The following GIGYF2 variants were observed in gnomAD, a reference collection of about 807,000 sequenced individuals.
GIGYF2 encodes GRB10 interacting GYF protein 2, also known as GRB10-interacting GYF protein 2.
A neutral mutation model predicts 208.1 loss-of-function variants in GIGYF2; 25 were observed. The ratio of observed to expected loss-of-function variants is 0.12; its 90% CI spans 0.09 to 0.17. The LOEUF (loss-of-function observed/expected upper bound fraction) is 0.17. GIGYF2 is among the 10% of genes least tolerant of loss of function. The pLI is 1.00. For missense variants in GIGYF2, 1,302 were observed against 1,579.4 expected, an observed-to-expected ratio of 0.82 and a Z score of 2.98; for synonymous variants, 534 against 543.8, an observed-to-expected ratio of 0.98 and a Z score of 0.25.
intron 2 of GIGYF2, among the ~76,000 whole-genome samples, chr2:232,730,621 G>A (rs1354839736): frequency 1.5e-5 from 2 of 129,408 alleles, no homozygotes; most frequent in African/African-American, 3.0e-5. Context: ...AAAAAAGGCC[G>A]GGCGCGGTGG....
chr2:232,836,320 AT>A (rs1346592954), intron 22 of GIGYF2, among the ~76,000 whole-genome samples: 965 of 26,338 alleles, frequency 0.037, 97 homozygotes, highest in East Asian at 0.18. Flanking sequence ...ATATATATAT[AT>A]ATATATATAC....
chr2:232,798,429 G>C (rs539292593), intron 14 of GIGYF2, among the ~76,000 whole-genome samples: 271 of 152,308 alleles, frequency 1.8e-3, no homozygotes, highest in African/African-American at 6.2e-3. Flanking sequence ...AAATGCCCAG[G>C]AGTGCATTTG....
intron 2 of GIGYF2, among the ~76,000 whole-genome samples, chr2:232,708,927 C>T (rs566877974): frequency 6.6e-6 from 1 of 152,222 alleles, no homozygotes; most frequent in Admixed American, 6.5e-5. Flanking sequence ...TCAGGACCAG[C>T]CTGGGCAACA....
chr2:232,784,579 AT>A (rs1258070157), intron 8 of GIGYF2, among the ~76,000 whole-genome samples: 1 of 141,714 alleles, frequency 7.1e-6, no homozygotes, highest in African/African-American at 2.6e-5. Context: ...TTTAGTAGAG[AT>A]GGGGTTTCAT....
chr2:232,770,553 T>A (rs1309299637), intron 8 of GIGYF2, among the ~76,000 whole-genome samples: 1 of 152,124 alleles, frequency 6.6e-6, no homozygotes, highest in Non-Finnish European at 1.5e-5. Context: ...TATTTATTTA[T>A]GTATTTGACA....
At chr2:232,734,180 G>A (rs138137227) in intron 2 of GIGYF2, among the ~76,000 whole-genome samples, 4 of 147,598 alleles carry the variant, frequency 2.7e-5, no homozygotes, top group Admixed American at 2.7e-4. Context: ...GAACTCCTGG[G>A]CCCAAGCCGT....
chr2:232,823,469 C>G (rs994477966), intron 21 of GIGYF2, among the ~76,000 whole-genome samples: 11 of 151,690 alleles, frequency 7.3e-5, no homozygotes, highest in African/African-American at 2.7e-4. Context: ...CCTCCCACCT[C>G]AGCCACCTCA....
At chr2:232,716,884 C>T (rs181962310) in intron 2 of GIGYF2, among the ~76,000 whole-genome samples, 6 of 152,130 alleles carry the variant, frequency 3.9e-5, no homozygotes, top group Non-Finnish European at 7.4e-5. Flanking sequence ...CAGCTCACTG[C>T]TGCCTCAACC....
chr2:232,729,097 G>C (rs973210051), intron 2 of GIGYF2, among the ~76,000 whole-genome samples: 2 of 152,086 alleles, frequency 1.3e-5, no homozygotes, highest in Admixed American at 6.6e-5. Context: ...TCCCACCTCA[G>C]CCTCCCAAGT....
intron 27 of GIGYF2, among the ~76,000 whole-genome samples, chr2:232,849,423 C>T (rs1010370074): frequency 6.6e-6 from 1 of 152,140 alleles, no homozygotes; most frequent in African/African-American, 2.4e-5. Context: ...CTCAGCCTCC[C>T]AAAGTGCTGG....
chr2:232,797,651 A>G (rs1257330048), intron 14 of GIGYF2, among the ~76,000 whole-genome samples: 1 of 152,132 alleles, frequency 6.6e-6, no homozygotes. Flanking sequence ...ACTATAGTAC[A>G]GTAACACAAG....
At chr2:232,794,720 G>C (rs1348530103) in intron 12 of GIGYF2, 28 bp from the exon 13 acceptor site, 1 of 1,579,236 alleles carries the variant, frequency 6.3e-7, no homozygotes, top group Non-Finnish European at 8.7e-7. Flanking sequence ...GTATTTCAAA[G>C]GATTTTCATC....
intron 2 of GIGYF2, among the ~76,000 whole-genome samples, chr2:232,729,050 C>G (rs993151996): frequency 1.9e-4 from 29 of 152,254 alleles, no homozygotes; most frequent in African/African-American, 7.0e-4. Context: ...GTGAACAAGG[C>G]TCACTGCAGT....
chr2:232,791,210 T>A, intron 11 of GIGYF2, 40 bp downstream of exon 11: 1 of 1,613,872 alleles, frequency 6.2e-7, no homozygotes, highest in Non-Finnish European at 8.5e-7. Flanking sequence ...TTTTCCTCCA[T>A]CAAACCAAAA....
chr2:232,736,712 ATAAGTTAC>A, intron 3 of GIGYF2: 1 of 152,320 alleles, frequency 6.6e-6, no homozygotes, highest in South Asian at 2.1e-4. Context: ...TTAAATTCAT[ATAAGTTAC>A]TTTCTTAGCC....
chr2:232,844,818 TAA>T (rs951882179), intron 25 of GIGYF2, among the ~76,000 whole-genome samples: 4 of 152,356 alleles, frequency 2.6e-5, no homozygotes, highest in African/African-American at 9.6e-5. Flanking sequence ...GGTAACCACT[TAA>T]TAAATATTAG....
intron 5 of GIGYF2, among the ~76,000 whole-genome samples, chr2:232,753,801 G>A (rs979128106): frequency 6.6e-6 from 1 of 152,130 alleles, no homozygotes; most frequent in Non-Finnish European, 1.5e-5. Flanking sequence ...TTACAAGTAT[G>A]CTCCATGTCT....
chr2:232,839,462 A>T (rs1446087058), intron 22 of GIGYF2, among the ~76,000 whole-genome samples: 1 of 152,186 alleles, frequency 6.6e-6, no homozygotes, highest in Non-Finnish European at 1.5e-5. Context: ...GCAGCATATC[A>T]TGTCCTTTGT....
intron 2 of GIGYF2, among the ~76,000 whole-genome samples, chr2:232,720,741 T>C (rs1045745429): frequency 1.3e-5 from 2 of 152,066 alleles, no homozygotes; most frequent in African/African-American, 4.8e-5. Context: ...ATTACAGGCA[T>C]GAACCACCAT....
Sources: allele counts gnomAD v4.1 joint callset (sites outside exome capture counted in the v4.1 genomes callset), GRCh38; gene constraint gnomAD v4.1.1; transcripts MANE v1.5; gene names NCBI Gene and HGNC (gene_info 2026-07-23, HGNC 2026-07-21).